RAB9B: variants seen among roughly 807,000 people sequenced by gnomAD.
The protein encoded by RAB9B is ras-related protein Rab-9B.
RAB9B carries 1 observed loss-of-function variant against 8.9 expected under a neutral mutation model. That is an observed-to-expected ratio of 0.11 (90% confidence interval 0.04 to 0.53). The LOEUF is 0.53. RAB9B is among the 20% of genes least tolerant of loss of function. The probability of loss-of-function intolerance (pLI) is 0.93; values close to 1 mark genes in which losing one functional copy is unlikely to be tolerated. For synonymous variants in RAB9B, 63 were observed against 57.0 expected (o/e 1.10, Z -0.47); for missense variants, 82 against 152.9 (o/e 0.54, Z 2.45).
At chrX:103,818,661 CT>C (rs1027047374), downstream of RAB9B, among the ~76,000 whole-genome samples, 4 of 110,744 alleles carry the variant, frequency 3.6e-5, no homozygotes, top group Admixed American at 9.6e-5. Context: ...GAATATATGT[CT>C]TAGAGAAAAG....
chrX:103,818,369 A>G (rs1043200051), downstream of RAB9B, among the ~76,000 whole-genome samples: 1 of 111,669 alleles, frequency 9.0e-6, no homozygotes, highest in Non-Finnish European at 1.9e-5. Flanking sequence ...TGTTGATGTC[A>G]TTTGGGATAA....
chrX:103,786,017 T>A, the RAB9B span: 3 of 681,216 alleles, frequency 4.4e-6, no homozygotes, highest in African/African-American at 7.1e-5. Flanking sequence ...GTGTTCTGAC[T>A]TCTGCTAGGT....
chrX:103,808,744 G>T, the RAB9B span, among the ~76,000 whole-genome samples: 1 of 112,833 alleles, frequency 8.9e-6, no homozygotes, highest in Non-Finnish European at 1.9e-5. Flanking sequence ...GTGAGCTGGG[G>T]CCAGGGCAAG....
At chrX:103,796,417 C>T in the RAB9B span, among the ~76,000 whole-genome samples, 23 of 111,355 alleles carry the variant, frequency 2.1e-4, no homozygotes, top group African/African-American at 7.5e-4. Flanking sequence ...TGCAGTGTGC[C>T]GAGATTGTGC....
Position 103,824,494 on chromosome X carries a change from A to G in RAB9B, c.*685T>C, listed in dbSNP as rs905126766. ...TGGTTGGCATATTTAAGCATAATCC[A>G]TTCACTAGTATCCTATGACTTCAAA... On this transcript the variant is annotated 3_prime_UTR_variant, in exon 3 of 3. Coordinates refer to ENST00000243298, the MANE Select transcript of RAB9B (RefSeq NM_016370.4). 1.8e-5 allele frequency: 2 copies of G among 112,431 alleles called. No individual in the cohort carries two copies. Among genetic ancestry groups the G allele is most frequent in the African/African-American group, 6.5e-5 (2 of 30,965 alleles). 9.3% of individuals were successfully genotyped at this position (112,431 alleles called of 1,213,427 possible). A position where few individuals can be genotyped will look rare whatever the true frequency, so the allele number is the denominator to read the frequency against.
At chrX:103,820,346 T>C (rs1015604924), downstream of RAB9B, among the ~76,000 whole-genome samples, 2 of 111,756 alleles carry the variant, frequency 1.8e-5, no homozygotes, top group Non-Finnish European at 3.8e-5. Context: ...TCTAGATCAC[T>C]GAGGAAAAAA....
At chrX:103,828,758 T>G (rs762778032) in intron 1 of RAB9B, among the ~76,000 whole-genome samples, 1 of 112,120 alleles carries the variant, frequency 8.9e-6, no homozygotes, top group East Asian at 2.8e-4. Context: ...CTGCAGTTGC[T>G]TGTGCATTCC....
chrX:103,804,807 T>C, the RAB9B span, among the ~76,000 whole-genome samples: 1 of 112,155 alleles, frequency 8.9e-6, no homozygotes, highest in Non-Finnish European at 1.9e-5. Context: ...ATTTTCTTTT[T>C]GGATTGCTTA....
At chrX:103,817,478 A>T (rs2074643851), downstream of RAB9B, among the ~76,000 whole-genome samples, 1 of 110,357 alleles carries the variant, frequency 9.1e-6, no homozygotes, top group Admixed American at 9.8e-5. Flanking sequence ...TACCTAATGT[A>T]GGTGATGGGA....
the RAB9B span, among the ~76,000 whole-genome samples, chrX:103,785,227 C>T: frequency 4.0e-4 from 44 of 110,973 alleles, no homozygotes; most frequent in Middle Eastern, 4.7e-3. Context: ...TACAGGCATA[C>T]GCCCATGCCC....
At chrX:103,788,332 A>G in the RAB9B span, 1 of 636,182 alleles carries the variant, frequency 1.6e-6, no homozygotes, top group Non-Finnish European at 2.7e-6. Context: ...ATCCAACTTT[A>G]CAGCCAGGAT....
the RAB9B span, among the ~76,000 whole-genome samples, chrX:103,788,140 G>A: frequency 3.6e-5 from 4 of 111,984 alleles, no homozygotes; most frequent in Non-Finnish European, 7.5e-5. Context: ...TTCTTCCCCG[G>A]GAAGGGAACT....
At chrX:103,809,446 A>G in the RAB9B span, among the ~76,000 whole-genome samples, 2 of 111,825 alleles carry the variant, frequency 1.8e-5, no homozygotes, top group African/African-American at 6.5e-5. Flanking sequence ...GATTACAGGC[A>G]TGGGCCACCA....
chrX:103,782,033 T>C, the RAB9B span, among the ~76,000 whole-genome samples: 2 of 112,487 alleles, frequency 1.8e-5, no homozygotes, highest in African/African-American at 3.2e-5. Context: ...GGATCTTTTC[T>C]CAGAATGCTT....
chrX:103,806,445 T>C, the RAB9B span, among the ~76,000 whole-genome samples: 1 of 111,957 alleles, frequency 8.9e-6, no homozygotes, highest in Non-Finnish European at 1.9e-5. Flanking sequence ...CGTTGTACCA[T>C]GATCAGAGAA....
chrX:103,816,529 T>A, the RAB9B span, among the ~76,000 whole-genome samples: 1 of 111,843 alleles, frequency 8.9e-6, no homozygotes, highest in Non-Finnish European at 1.9e-5. Context: ...GGGCAAAGAC[T>A]TCAAGTCTAA....
the RAB9B span, among the ~76,000 whole-genome samples, chrX:103,810,933 A>T: frequency 9.0e-6 from 1 of 111,412 alleles, no homozygotes; most frequent in South Asian, 3.8e-4. Context: ...TCACTGAAAA[A>T]CCTGGGGATA....
the RAB9B span, among the ~76,000 whole-genome samples, chrX:103,802,214 GAGAGAC>G: frequency 3.0e-3 from 286 of 94,467 alleles, 4 homozygotes; most frequent in Non-Finnish European, 4.7e-3. Flanking sequence ...GAAAGAGAGA[GAGAGAC>G]AGAGAGAGAG....
At chrX:103,780,116 A>C in the RAB9B span, 1 of 113,081 alleles carries the variant, frequency 8.8e-6, no homozygotes, top group African/African-American at 3.2e-5. Flanking sequence ...AATGGCCCTG[A>C]GGGCTATCTC....
Sources: allele counts gnomAD v4.1 joint callset (sites outside exome capture counted in the v4.1 genomes callset), GRCh38; gene constraint gnomAD v4.1.1; transcripts MANE v1.5; gene names NCBI Gene and HGNC (gene_info 2026-07-23, HGNC 2026-07-21).